GALNTL6: variants seen among roughly 807,000 people sequenced by gnomAD.
GALNTL6 encodes the protein polypeptide N-acetylgalactosaminyltransferase-like 6.
GALNTL6 carries 46 observed loss-of-function variants against 73.7 expected under a neutral mutation model. The ratio of observed to expected loss-of-function variants is 0.62; its 90% confidence interval spans 0.49 to 0.80. The LOEUF (loss-of-function observed/expected upper bound fraction) is 0.80, where lower values mean the gene tolerates loss of function less well. Ranked by LOEUF, GALNTL6 falls within the 30% of genes least tolerant of loss-of-function variation. The pLI is 0.00. For missense variants in GALNTL6, 604 were observed against 755.0 expected, an observed-to-expected ratio of 0.80 and a Z score of 2.34; for synonymous variants, 259 against 263.7, an observed-to-expected ratio of 0.98 and a Z score of 0.17.
intron 2 of GALNTL6, among the ~76,000 whole-genome samples, chr4:172,139,998 G>C (rs1194837806): frequency 8.4e-6 from 1 of 118,674 alleles, no homozygotes; most frequent in Non-Finnish European, 1.8e-5. Flanking sequence ...TGTTTAAATA[G>C]TCTTTTTTTT....
intron 2 of GALNTL6, among the ~76,000 whole-genome samples, chr4:171,903,425 G>A (rs988290882): frequency 2.6e-5 from 4 of 152,074 alleles, no homozygotes; most frequent in Non-Finnish European, 5.9e-5. Flanking sequence ...CAAATACTGC[G>A]CTTTGCCGAA....
intron 5 of GALNTL6, among the ~76,000 whole-genome samples, chr4:172,525,946 A>G (rs1734938235): frequency 6.6e-6 from 1 of 152,116 alleles, no homozygotes; most frequent in Non-Finnish European, 1.5e-5. Flanking sequence ...ATGAAAATAT[A>G]TTTTATTTCT....
chr4:171,892,680 G>A (rs1344098614), intron 2 of GALNTL6, among the ~76,000 whole-genome samples: 1 of 151,998 alleles, frequency 6.6e-6, no homozygotes, highest in Non-Finnish European at 1.5e-5. Context: ...TCCCACCTCA[G>A]CCTCCCAAGT....
At chr4:172,737,999 C>T (rs1450169447) in intron 5 of GALNTL6, among the ~76,000 whole-genome samples, 1 of 152,168 alleles carries the variant, frequency 6.6e-6, no homozygotes, top group African/African-American at 2.4e-5. Flanking sequence ...TCTCCTTTGG[C>T]TGAGTTACAG....
chr4:172,207,055 G>A (rs972104211), intron 2 of GALNTL6, among the ~76,000 whole-genome samples: 43 of 151,678 alleles, frequency 2.8e-4, no homozygotes, highest in Admixed American at 1.4e-3. Context: ...CTGACCTCGT[G>A]ATCCGCCCCC....
intron 8 of GALNTL6, among the ~76,000 whole-genome samples, chr4:172,916,254 A>G (rs1747502669): frequency 6.6e-6 from 1 of 152,198 alleles, no homozygotes; most frequent in South Asian, 2.1e-4. Flanking sequence ...TCTCAAAATA[A>G]TAAGAGCTAT....
chr4:172,992,133 C>G (rs955246584), intron 10 of GALNTL6, among the ~76,000 whole-genome samples: 1 of 152,190 alleles, frequency 6.6e-6, no homozygotes, highest in Non-Finnish European at 1.5e-5. Context: ...TAAGCATAAG[C>G]AATTTTAGTT....
chr4:172,283,245 G>A (rs1739127400), intron 3 of GALNTL6, among the ~76,000 whole-genome samples: 1 of 152,164 alleles, frequency 6.6e-6, no homozygotes, highest in African/African-American at 2.4e-5. Context: ...TAGAAGAATA[G>A]TAAAGATGTT....
At chr4:172,072,361 T>C (rs887738100) in intron 2 of GALNTL6, among the ~76,000 whole-genome samples, 3 of 152,174 alleles carry the variant, frequency 2.0e-5, no homozygotes, top group Non-Finnish European at 2.9e-5. Flanking sequence ...ACTTATCTTT[T>C]TAATACTCCT....
At chr4:172,365,992 A>T (rs1459797332) in intron 5 of GALNTL6, among the ~76,000 whole-genome samples, 1 of 152,134 alleles carries the variant, frequency 6.6e-6, no homozygotes, top group Non-Finnish European at 1.5e-5. Context: ...TTGAAACCTG[A>T]TGGTAGAAGA....
intron 10 of GALNTL6, among the ~76,000 whole-genome samples, chr4:172,980,572 T>C (rs1751021046): frequency 6.6e-6 from 1 of 152,120 alleles, no homozygotes; most frequent in African/African-American, 2.4e-5. Context: ...AGGGCTGTCT[T>C]CCCACCTTGG....
chr4:172,906,736 A>T (rs1746914479), intron 8 of GALNTL6, among the ~76,000 whole-genome samples: 1 of 152,206 alleles, frequency 6.6e-6, no homozygotes, highest in Non-Finnish European at 1.5e-5. Context: ...GGTCCTTGCC[A>T]TGTGGCCCCC....
intron 2 of GALNTL6, among the ~76,000 whole-genome samples, chr4:172,018,119 T>A (rs1741268095): frequency 6.6e-6 from 1 of 152,112 alleles, no homozygotes; most frequent in African/African-American, 2.4e-5. Context: ...TGTCATGAAT[T>A]GCTGTAATGG....
At chr4:172,874,858 C>T (rs1181038598) in intron 7 of GALNTL6, among the ~76,000 whole-genome samples, 1 of 152,172 alleles carries the variant, frequency 6.6e-6, no homozygotes, top group Non-Finnish European at 1.5e-5. Flanking sequence ...TCGGGACATT[C>T]GCAGTGTGGC....
intron 7 of GALNTL6, among the ~76,000 whole-genome samples, chr4:172,836,323 G>C (rs1218073380): frequency 1.3e-5 from 2 of 152,222 alleles, no homozygotes; most frequent in Non-Finnish European, 2.9e-5. Context: ...GATCTCACAA[G>C]CTGTCAGCTT....
chr4:172,193,293 C>G (rs1341027865), intron 2 of GALNTL6, among the ~76,000 whole-genome samples: 1 of 152,306 alleles, frequency 6.6e-6, no homozygotes, highest in East Asian at 1.9e-4. Context: ...CGGTGCCCCT[C>G]TGGGATGGAG....
intron 5 of GALNTL6, among the ~76,000 whole-genome samples, chr4:172,696,408 T>G (rs1733696611): frequency 6.6e-6 from 1 of 152,178 alleles, no homozygotes; most frequent in African/African-American, 2.4e-5. Context: ...TTCCTAATTT[T>G]TTGTTTTGTT....
intron 2 of GALNTL6, among the ~76,000 whole-genome samples, chr4:172,078,415 G>C (rs79742118): frequency 0.012 from 1,751 of 151,248 alleles, 40 homozygotes; most frequent in African/African-American, 0.04. Context: ...CTGTGGAACT[G>C]TGAGTCAATT....
chr4:172,234,564 C>T (rs535372985), intron 3 of GALNTL6, among the ~76,000 whole-genome samples: 1 of 152,156 alleles, frequency 6.6e-6, no homozygotes, highest in South Asian at 2.1e-4. Flanking sequence ...TGTTCATTTG[C>T]ATTTATTAAC....
Sources: gnomAD v4.1 joint callset for allele counts (sites outside exome capture counted in the v4.1 genomes callset) on GRCh38, gnomAD v4.1.1 for gene constraint, MANE v1.5 for transcripts, NCBI Gene and HGNC (gene_info 2026-07-23, HGNC 2026-07-21) for gene names.